The following RPA3 variants were observed in gnomAD, a reference collection of about 807,000 sequenced individuals.
The protein encoded by RPA3 is replication protein A3.
RPA3 carries 24 observed loss-of-function variants against 13.7 expected under a neutral mutation model. The ratio of observed to expected loss-of-function variants is 1.75; its 90% CI spans 1.27 to 2.46. The LOEUF is 2.46. Ranked by LOEUF, RPA3 falls within the 30% of genes most tolerant of loss-of-function variation. The pLI, the probability that RPA3 is intolerant of heterozygous loss-of-function variation, is 0.00. For synonymous variants in RPA3, 59 were observed against 51.2 expected, an observed-to-expected ratio of 1.15 and a Z score of -0.65; for missense variants, 183 against 151.0, an observed-to-expected ratio of 1.21 and a Z score of -1.11.
chr7:7,678,724 T>C (rs1779827134), intron 4 of RPA3, among the ~76,000 whole-genome samples: 13 of 113,460 alleles, frequency 1.1e-4, no homozygotes, highest in African/African-American at 2.3e-4. Context: ...AGTTTATAAA[T>C]ATATATTTAT....
At position 7,693,699 on chromosome 7, in the gene RPA3, T is replaced by C. The variant is rs146632632; in HGVS notation, c.-1027-6371A>G. 3.7e-4 allele frequency among the ~76,000 whole-genome samples: 56 copies of C among 152,272 alleles called. No homozygotes were observed. The East Asian group carries it at 9.1e-3, about 25-fold the overall frequency. Reference sequence around the variant, plus strand: ...TGCCTTGTTTATTTTATAATGACTTTATTACAATTTTAATAATTTAGCAAT... The same window carrying C: ...TGCCTTGTTTATTTTATAATGACTTCATTACAATTTTAATAATTTAGCAAT... On this transcript the variant is annotated intron_variant, in intron 2 of 7. Coordinates refer to ENST00000223129, the MANE Select transcript of RPA3 (RefSeq NM_002947.5).
At chr7:7,717,730 G>A (rs567565300) in intron 1 of RPA3, among the ~76,000 whole-genome samples, 1 of 152,322 alleles carries the variant, frequency 6.6e-6, no homozygotes, top group African/African-American at 2.4e-5. Flanking sequence ...GTTTAACAAA[G>A]AAGTTAGTTT....
intron 2 of RPA3, among the ~76,000 whole-genome samples, chr7:7,687,808 C>G (rs1563123179): frequency 6.6e-6 from 1 of 152,116 alleles, no homozygotes; most frequent in Non-Finnish European, 1.5e-5. Flanking sequence ...TATAGTGTTA[C>G]TGATTTAAAG....
At chr7:7,668,940 C>T (rs542188207) in intron 4 of RPA3, among the ~76,000 whole-genome samples, 9 of 152,142 alleles carry the variant, frequency 5.9e-5, no homozygotes, top group Non-Finnish European at 1.2e-4. Flanking sequence ...CAGAAAGGAA[C>T]CATGTAGACA....
chr7:7,668,744 G>C (rs1262614878), intron 4 of RPA3, among the ~76,000 whole-genome samples: 1 of 152,168 alleles, frequency 6.6e-6, no homozygotes, highest in South Asian at 2.1e-4. Flanking sequence ...GAATGTTAGT[G>C]ATACATACAT....
chr7:7,700,751 G>A lies in RPA3; in HGVS notation c.-1027-13423C>T, dbSNP rs111763126. On this transcript the variant is annotated intron_variant, in intron 2 of 7. Transcript: ENST00000223129. ...AAAAATATAAAAATTAGCCAGGCAT[G>A]GTGGTGGGTGCCTGTAATCAAAGCT... is the stretch of plus-strand genomic sequence containing the variant. Among the ~76,000 whole-genome samples, 8 of 152,276 alleles carry A rather than the reference G, an allele frequency of 5.3e-5. 1 individual carries two copies. Among genetic ancestry groups the A allele is most frequent in the African/African-American group, 1.9e-4 (8 of 41,558 alleles).
chr7:7,649,315 TGTAAG>T (rs1241080377), intron 4 of RPA3, among the ~76,000 whole-genome samples: 1 of 151,936 alleles, frequency 6.6e-6, no homozygotes, highest in Non-Finnish European at 1.5e-5. Context: ...ATGAGAGAAA[TGTAAG>T]GGAAGGGGAC....
chr7:7,678,056 G>A (rs1779792971), intron 4 of RPA3, among the ~76,000 whole-genome samples: 1 of 152,184 alleles, frequency 6.6e-6, no homozygotes, highest in South Asian at 2.1e-4. Flanking sequence ...ACATGGGAAT[G>A]TGGACGTCTC....
At chr7:7,673,436 A>C in intron 4 of RPA3, 1 of 922,110 alleles carries the variant, frequency 1.1e-6, no homozygotes, top group South Asian at 1.4e-5. Flanking sequence ...ACAGAAGCAG[A>C]TGGATTCGTC....
rs182249809 is a variant in RPA3, at chr7:7,718,545, C to G, written c.-1110G>C. ...TAAGACGATTGTAAATGTGTGTTGT[C>G]CTCCTTCTCATTGTTTTTCACATCC... On this transcript the variant is annotated 5_prime_UTR_variant, in exon 1 of 8. Coordinates refer to ENST00000223129, the MANE Select transcript of RPA3 (RefSeq NM_002947.5). 1 of 152,298 alleles carries G rather than the reference C, an allele frequency of 6.6e-6. No homozygotes were observed. The highest frequency in any genetic ancestry group is 2.4e-5 in the African/African-American group (1 of 41,576). 9.4% of individuals were successfully genotyped at this position (152,298 alleles called of 1,614,324 possible). A position where few individuals can be genotyped will look rare whatever the true frequency, so the allele number is the denominator to read the frequency against.
chr7:7,695,159 A>T (rs986189922), intron 2 of RPA3, among the ~76,000 whole-genome samples: 2 of 152,174 alleles, frequency 1.3e-5, no homozygotes, highest in Non-Finnish European at 2.9e-5. Context: ...ACCTTTTCAT[A>T]TACCTGTTTG....
intron 2 of RPA3, among the ~76,000 whole-genome samples, chr7:7,708,905 G>A (rs1415025405): frequency 6.6e-6 from 1 of 151,888 alleles, no homozygotes; most frequent in Non-Finnish European, 1.5e-5. Flanking sequence ...CCAGCAAGGG[G>A]TGTGTGTTTG....
intron 2 of RPA3, among the ~76,000 whole-genome samples, chr7:7,712,685 C>T (rs748123924): frequency 3.3e-5 from 5 of 152,296 alleles, no homozygotes; most frequent in Non-Finnish European, 7.4e-5. Flanking sequence ...GGTCTTACTG[C>T]ATGGTCTAGG....
At chr7:7,649,426 A>G (rs994511256) in intron 4 of RPA3, among the ~76,000 whole-genome samples, 21 of 152,182 alleles carry the variant, frequency 1.4e-4, no homozygotes, top group African/African-American at 4.8e-4. Context: ...GAGCTCTCAT[A>G]ACCTGGTTAC....
chr7:7,644,576 C>G (rs28916284), intron 4 of RPA3, among the ~76,000 whole-genome samples: 72 of 152,286 alleles, frequency 4.7e-4, no homozygotes, highest in African/African-American at 1.6e-3. Context: ...TCAGATAAGT[C>G]TCCAATCTCT....
At chr7:7,691,336 AGTC>A (rs1486745826) in intron 2 of RPA3, among the ~76,000 whole-genome samples, 13 of 152,362 alleles carry the variant, frequency 8.5e-5, no homozygotes, top group African/African-American at 2.2e-4. Flanking sequence ...AGATATTTGT[AGTC>A]GTCATCATTA....
At chr7:7,705,743 C>T (rs1780582812) in intron 2 of RPA3, among the ~76,000 whole-genome samples, 1 of 152,066 alleles carries the variant, frequency 6.6e-6, no homozygotes, top group African/African-American at 2.4e-5. Context: ...TTTGTCCAAA[C>T]TCATAGAATA....
intron 4 of RPA3, among the ~76,000 whole-genome samples, chr7:7,643,658 G>A (rs989760218): frequency 4.6e-5 from 7 of 151,568 alleles, no homozygotes; most frequent in African/African-American, 1.5e-4. Context: ...CTTGCAGTGA[G>A]CCGAGATCGC....
chr7:7,695,981 GTTTTT>G (rs34880729), intron 2 of RPA3, among the ~76,000 whole-genome samples: 3 of 130,734 alleles, frequency 2.3e-5, no homozygotes, highest in Admixed American at 7.8e-5. Flanking sequence ...GTATATCTCC[GTTTTT>G]TTTTTTTTTT....
Sources: allele counts gnomAD v4.1 joint callset (sites outside exome capture counted in the v4.1 genomes callset), GRCh38; gene constraint gnomAD v4.1.1; transcripts MANE v1.5; gene names NCBI Gene and HGNC (gene_info 2026-07-23, HGNC 2026-07-21).